TANC2: variants seen among roughly 807,000 people sequenced by gnomAD.
The protein encoded by TANC2 is tetratricopeptide repeat, ankyrin repeat and coiled-coil containing 2.
A neutral mutation model predicts 210.5 loss-of-function variants in TANC2; 26 were observed. The observed-to-expected ratio is 0.12, with a 90% CI of 0.09 to 0.17. TANC2 has a LOEUF of 0.17. Ranked by LOEUF, TANC2 falls within the 10% of genes least tolerant of loss-of-function variation. TANC2 has a pLI of 1.00. For missense variants in TANC2, 2,129 were observed against 2,608.9 expected (o/e 0.82, Z 4.01); for synonymous variants, 931 against 967.1 (o/e 0.96, Z 0.69).
intron 2 of TANC2, among the ~76,000 whole-genome samples, chr17:63,030,979 C>T (rs1366210764): frequency 6.6e-6 from 1 of 152,002 alleles, no homozygotes; most frequent in Non-Finnish European, 1.5e-5. Context: ...AAATGAGGAG[C>T]TGTTGTAGTA....
chr17:63,312,288 C>T (rs1452254478), intron 9 of TANC2, among the ~76,000 whole-genome samples: 1 of 152,006 alleles, frequency 6.6e-6, no homozygotes, highest in Non-Finnish European at 1.5e-5. Flanking sequence ...ATACTAGTGA[C>T]AGTAACAAAG....
At chr17:63,039,885 T>G (rs894120376) in intron 2 of TANC2, among the ~76,000 whole-genome samples, 2 of 152,190 alleles carry the variant, frequency 1.3e-5, no homozygotes, top group African/African-American at 4.8e-5. Flanking sequence ...ACATTTATAT[T>G]TATACTAAAC....
intron 8 of TANC2, among the ~76,000 whole-genome samples, chr17:63,241,395 G>GA (rs1453367215): frequency 1.3e-5 from 2 of 152,120 alleles, no homozygotes; most frequent in Non-Finnish European, 2.9e-5. Context: ...TGGTATTGGG[G>GA]AAAAAAATGG....
intron 3 of TANC2, among the ~76,000 whole-genome samples, chr17:63,084,662 G>A (rs949530735): frequency 4.0e-5 from 6 of 151,584 alleles, no homozygotes; most frequent in Non-Finnish European, 5.9e-5. Context: ...ACTGCATCCC[G>A]CAGATTTTGA....
Position 63,406,287 on chromosome 17 carries a change from G to A in TANC2, c.3589+10G>A. 1 of 1,612,818 alleles carries A rather than the reference G, an allele frequency of 6.2e-7. No homozygotes were observed. The highest frequency in any genetic ancestry group is 8.5e-7 in the Non-Finnish European group (1 of 1,179,150). On this transcript the variant is annotated intron_variant, in intron 21 of 27. Transcript: ENST00000689528. ...TTTCTGCTTGCACAAGGTTAGTCTT[G>A]GAATGCTAGAGCTGGCTGGCCAGTT...
chr17:63,345,320 T>C (rs1363729109), intron 12 of TANC2, among the ~76,000 whole-genome samples: 3 of 152,190 alleles, frequency 2.0e-5, no homozygotes, highest in Non-Finnish European at 2.9e-5. Context: ...AACTATTCTA[T>C]AGATTAAACA....
rs551358421 is a variant in TANC2, at chr17:63,232,672, G to A, written c.770-5142G>A. 1.2e-4 allele frequency among the ~76,000 whole-genome samples: 18 copies of A among 152,298 alleles called. No individual in the cohort carries two copies. The East Asian group carries it at 1.4e-3, about 11-fold the overall frequency. On this transcript the variant is annotated intron_variant, in intron 7 of 27. Coordinates refer to ENST00000689528, the Ensembl canonical transcript of TANC2. Reference sequence around the variant, plus strand: ...AGAGGGGCACTGACCCGATGTCAGCGGGAACCCTCCTGTATAAGGTGTCTG... The same window carrying A: ...AGAGGGGCACTGACCCGATGTCAGCAGGAACCCTCCTGTATAAGGTGTCTG...
intron 5 of TANC2, among the ~76,000 whole-genome samples, chr17:63,191,357 A>C (rs1434513734): frequency 6.6e-6 from 1 of 150,890 alleles, no homozygotes; most frequent in South Asian, 2.1e-4. Context: ...CAAAAACCTC[A>C]ATTACTTTTG....
intron 19 of TANC2, among the ~76,000 whole-genome samples, chr17:63,404,795 G>A (rs960111615): frequency 2.6e-5 from 4 of 152,106 alleles, no homozygotes; most frequent in African/African-American, 9.7e-5. Flanking sequence ...AACAGAGTTT[G>A]TAGCTAGGAA....
chr17:63,043,298 C>T (rs2035259173), intron 2 of TANC2, among the ~76,000 whole-genome samples: 1 of 152,028 alleles, frequency 6.6e-6, no homozygotes, highest in South Asian at 2.1e-4. Context: ...TTAATGGGTT[C>T]TCAGTAATTG....
chr17:63,061,417 C>T (rs2035991876), intron 2 of TANC2, among the ~76,000 whole-genome samples: 1 of 151,986 alleles, frequency 6.6e-6, no homozygotes, highest in African/African-American at 2.4e-5. Context: ...GATAGTTTTG[C>T]TTAAATACTC....
intron 2 of TANC2, among the ~76,000 whole-genome samples, chr17:63,036,652 G>C (rs1043826060): frequency 6.6e-6 from 1 of 152,018 alleles, no homozygotes; most frequent in Non-Finnish European, 1.5e-5. Flanking sequence ...AGATCCTTCT[G>C]GGATTTGGGG....
chr17:63,341,071 G>T (rs1204841623), intron 12 of TANC2, among the ~76,000 whole-genome samples: 1 of 152,168 alleles, frequency 6.6e-6, no homozygotes, highest in East Asian at 1.9e-4. Context: ...CCAAAGAAAA[G>T]GATGTGGGTA....
chr17:63,310,547 A>G (rs140975646), intron 9 of TANC2, among the ~76,000 whole-genome samples: 367 of 152,328 alleles, frequency 2.4e-3, no homozygotes, highest in Middle Eastern at 6.8e-3. Flanking sequence ...AAGGCAAAAG[A>G]TTAATGTCCT....
At chr17:63,126,574 A>AT (rs1276434724) in intron 4 of TANC2, among the ~76,000 whole-genome samples, 2 of 151,988 alleles carry the variant, frequency 1.3e-5, no homozygotes, top group South Asian at 2.1e-4. Context: ...ACACTGGCTG[A>AT]TTTTTTTATT....
chr17:63,186,296 T>C (rs115436464), intron 5 of TANC2, among the ~76,000 whole-genome samples: 53 of 152,232 alleles, frequency 3.5e-4, no homozygotes, highest in African/African-American at 1.1e-3. Flanking sequence ...GTGTCTTAAT[T>C]ACTTTAGCTT....
At chr17:63,275,380 T>C (rs1284404482) in intron 9 of TANC2, among the ~76,000 whole-genome samples, 2 of 152,170 alleles carry the variant, frequency 1.3e-5, no homozygotes, top group African/African-American at 4.8e-5. Context: ...AGAATTTATG[T>C]GAAATTGGCC....
chr17:63,415,545 A>G, exon 26 of TANC2: 3 of 1,613,776 alleles, frequency 1.9e-6, no homozygotes, highest in Non-Finnish European at 2.5e-6. Context: ...AAGTAAAGGA[A>G]GCTGCCCAGC....
intron 9 of TANC2, among the ~76,000 whole-genome samples, chr17:63,309,306 A>T (rs756140292): frequency 6.6e-6 from 1 of 152,218 alleles, no homozygotes. Flanking sequence ...AAAGTTGGAC[A>T]CATTTACAGT....
Sources: allele counts gnomAD v4.1 joint callset (sites outside exome capture counted in the v4.1 genomes callset), GRCh38; gene constraint gnomAD v4.1.1; transcripts MANE v1.5; gene names NCBI Gene and HGNC (gene_info 2026-07-23, HGNC 2026-07-21).